PPP1R14D: variants seen among roughly 807,000 people sequenced by gnomAD.
PPP1R14D encodes the protein protein phosphatase 1 regulatory subunit 14D.
Under a neutral mutation model 17.1 loss-of-function variants are expected in PPP1R14D, and 14 were observed. That is an observed-to-expected ratio of 0.82 (90% CI 0.54 to 1.28). The LOEUF (loss-of-function observed/expected upper bound fraction) is 1.28. Among genes scored for constraint, PPP1R14D ranks in the 50% most tolerant of loss-of-function variants. The pLI is 0.00. For synonymous variants in PPP1R14D, 67 were observed against 66.1 expected, an observed-to-expected ratio of 1.01 and a Z score of -0.06; for missense variants, 173 against 179.2, an observed-to-expected ratio of 0.97 and a Z score of 0.20.
chr15:40,827,285 G>A (rs987908918), intron 1 of PPP1R14D, among the ~76,000 whole-genome samples: 3 of 152,184 alleles, frequency 2.0e-5, no homozygotes, highest in African/African-American at 7.2e-5. Context: ...GAGGTGGGCA[G>A]ATCACCTGAG....
Position 40,820,151 on chromosome 15 carries a change from C to G in PPP1R14D, c.256-3898G>C, listed in dbSNP as rs183464767. Reference sequence around the variant, plus strand: ...AAAGTGCTGGGATTACAGGCATGAGCCACTGTGCCCAGCCCTTTTTTTTTG... The same window carrying G: ...AAAGTGCTGGGATTACAGGCATGAGGCACTGTGCCCAGCCCTTTTTTTTTG... On this transcript the variant is annotated intron_variant, in intron 1 of 3. Transcript: ENST00000299174. 4.0e-5 allele frequency among the ~76,000 whole-genome samples: 6 copies of G among 150,674 alleles called. No homozygotes were observed. The East Asian group carries it at 1.2e-3, about 30-fold the overall frequency.
intron 1 of PPP1R14D, among the ~76,000 whole-genome samples, chr15:40,818,341 A>G (rs1200569251): frequency 6.6e-6 from 1 of 151,726 alleles, no homozygotes; most frequent in African/African-American, 2.4e-5. Flanking sequence ...GATCTATAGC[A>G]GCTTTATTCA....
chr15:40,827,599 C>T (rs796994854), intron 1 of PPP1R14D, among the ~76,000 whole-genome samples: 9 of 152,218 alleles, frequency 5.9e-5, no homozygotes, highest in African/African-American at 2.2e-4. Flanking sequence ...CAAACAGCTA[C>T]ACATGGCTGA....
chr15:40,828,378 G>A lies in PPP1R14D; in HGVS notation c.255+9C>T. 1 of 1,580,356 alleles carries A rather than the reference G, an allele frequency of 6.3e-7. No individual in the cohort carries two copies. The highest frequency in any genetic ancestry group is 1.3e-5 in the African/African-American group (1 of 74,242). The stretch of plus-strand genomic sequence containing the variant: ...CCCATCTCCTCCCACTATCCGCTGT[G>A]CTACCTACCTGGAAGAGCTCCTGAA... On this transcript the variant is annotated intron_variant, in intron 1 of 3. Transcript: ENST00000299174.
At chr15:40,828,005 G>A (rs985486728) in intron 1 of PPP1R14D, among the ~76,000 whole-genome samples, 3 of 152,112 alleles carry the variant, frequency 2.0e-5, no homozygotes, top group Non-Finnish European at 4.4e-5. Flanking sequence ...ATGTAGCTCC[G>A]GACATGTATG....
rs888425984 is a variant in PPP1R14D at position 40,820,590 on chromosome 15, C to T, written c.256-4337G>A. On this transcript the variant is annotated intron_variant, in intron 1 of 3. Transcript: ENST00000299174. ...GAATCAGGCCAGGTACAGTGGCTCACGCCTATAATCCCAGCACTTTGGGAG... is the reference window on the plus strand; with the variant it reads ...GAATCAGGCCAGGTACAGTGGCTCATGCCTATAATCCCAGCACTTTGGGAG... Among the ~76,000 whole-genome samples, 28 of 151,492 alleles carry T rather than the reference C, an allele frequency of 1.8e-4. 1 individual carries two copies. The highest frequency in any genetic ancestry group is 5.9e-5 in the Non-Finnish European group (4 of 67,818).
Position 40,815,632 on chromosome 15 carries a change from C to T in PPP1R14D, c.*64G>A. The stretch of plus-strand genomic sequence containing the variant: ...TCCCAAGGAGCTATTTCCCTCTTAG[C>T]CAGGATCTGGAGTTTCAGGGCAGGC... On this transcript the variant is annotated 3_prime_UTR_variant, in exon 4 of 4. Coordinates refer to ENST00000299174, the MANE Select transcript of PPP1R14D (RefSeq NM_017726.8). 1.3e-6 allele frequency: 2 copies of T among 1,578,278 alleles called. No homozygotes were observed.
intron 1 of PPP1R14D, among the ~76,000 whole-genome samples, chr15:40,822,045 A>G (rs1481303576): frequency 1.3e-5 from 2 of 152,196 alleles, no homozygotes; most frequent in East Asian, 3.8e-4. Context: ...TGGGAGGCTG[A>G]GGTGGGAGGA....
At chr15:40,819,218 C>T (rs931867240) in intron 1 of PPP1R14D, among the ~76,000 whole-genome samples, 1 of 152,142 alleles carries the variant, frequency 6.6e-6, no homozygotes, top group Non-Finnish European at 1.5e-5. Context: ...TTTCTTGATT[C>T]ATGTGAAGGG....
intron 1 of PPP1R14D, among the ~76,000 whole-genome samples, chr15:40,819,372 A>G (rs896665629): frequency 6.6e-6 from 1 of 151,980 alleles, no homozygotes; most frequent in Non-Finnish European, 1.5e-5. Context: ...ACTTGGTGAA[A>G]CCTCCATCTC....
chr15:40,820,030 C>A (rs1417111443), intron 1 of PPP1R14D, among the ~76,000 whole-genome samples: 1 of 151,622 alleles, frequency 6.6e-6, no homozygotes. Context: ...CCACGCCTGG[C>A]TAATTTTGTA....
chr15:40,816,870 G>A (rs1482865773), intron 1 of PPP1R14D, among the ~76,000 whole-genome samples: 2 of 144,158 alleles, frequency 1.4e-5, no homozygotes, highest in African/African-American at 2.6e-5. Flanking sequence ...TCACGAGTTC[G>A]AGACCAGCCT....
At chr15:40,818,019 G>A (rs554333338) in intron 1 of PPP1R14D, among the ~76,000 whole-genome samples, 5 of 152,076 alleles carry the variant, frequency 3.3e-5, no homozygotes, top group Non-Finnish European at 7.4e-5. Flanking sequence ...GGCTGGGTGC[G>A]GTGGCACACG....
rs1890870289 is a variant in PPP1R14D, at chr15:40,826,432, C to T, written c.255+1955G>A. Among the ~76,000 whole-genome samples, 4 of 152,208 alleles carry T rather than the reference C, an allele frequency of 2.6e-5. No homozygotes were observed. The South Asian group carries it at 8.3e-4, about 32-fold the overall frequency. On this transcript the variant is annotated intron_variant, in intron 1 of 3. Coordinates refer to ENST00000299174, the MANE Select transcript of PPP1R14D (RefSeq NM_017726.8). ...GCGTATGGTTCTCAGCCCAGCCACACATTAGAACCAACTGTGGGGCTTTTA... is the reference window on the plus strand; with the variant it reads ...GCGTATGGTTCTCAGCCCAGCCACATATTAGAACCAACTGTGGGGCTTTTA...
chr15:40,823,942 T>C (rs1448770907), intron 1 of PPP1R14D, among the ~76,000 whole-genome samples: 2 of 151,066 alleles, frequency 1.3e-5, no homozygotes, highest in Non-Finnish European at 2.9e-5. Flanking sequence ...GAAGATTGCT[T>C]GAGCCCAGGA....
At chr15:40,817,557 G>A (rs1890694161) in intron 1 of PPP1R14D, among the ~76,000 whole-genome samples, 2 of 151,182 alleles carry the variant, frequency 1.3e-5, no homozygotes, top group East Asian at 1.9e-4. Context: ...TAGTGGGAAT[G>A]CAAAATGGTA....
At chr15:40,816,383 A>G (rs1359763654) in intron 1 of PPP1R14D, 130 bp from the exon 2 acceptor site, 1 of 741,570 alleles carries the variant, frequency 1.3e-6, no homozygotes, top group Non-Finnish European at 2.3e-6. Context: ...CAGAACACCC[A>G]TTCAGTTTTC....
chr15:40,815,710 G>T lies in PPP1R14D; in HGVS notation c.424C>A (p.Arg142=). ...GTCTCTCAGGCTTATTTCTGAGGCC[G>T]GCTGAGTCTCCGGAGTTTCTTGAGT... ...SQLKKLRRLS[R]PQK The change falls in exon 4 of 4, where the codon CGG becomes AGG. Residue 142 remains arginine (R), a synonymous_variant. Transcript: ENST00000299174. 6.2e-7 allele frequency: 1 copy of T among 1,613,724 alleles called. No homozygotes were observed. The highest frequency in any genetic ancestry group is 1.1e-5 in the South Asian group (1 of 91,030).
intron 1 of PPP1R14D, among the ~76,000 whole-genome samples, chr15:40,822,242 T>C (rs1309192668): frequency 2.0e-5 from 3 of 151,910 alleles, no homozygotes; most frequent in African/African-American, 7.3e-5. Context: ...CCCAGTACTT[T>C]GGGAGGTCAA....
Sources: gnomAD v4.1 joint callset for allele counts (sites outside exome capture counted in the v4.1 genomes callset) on GRCh38, gnomAD v4.1.1 for gene constraint, MANE v1.5 for transcripts, NCBI Gene and HGNC (gene_info 2026-07-23, HGNC 2026-07-21) for gene names.